Variants in CYP20A1 observed in about 807,000 individuals in gnomAD.
CYP20A1 encodes the protein cytochrome P450 20A1.
CYP20A1 carries 61 observed loss-of-function variants against 61.4 expected under a neutral mutation model. That is an observed-to-expected ratio of 0.99 (90% CI 0.81 to 1.23). CYP20A1 has a LOEUF of 1.23. Ranked by LOEUF, CYP20A1 falls within the 50% of genes most tolerant of loss-of-function variation. The pLI is 0.00. For missense variants in CYP20A1, 530 were observed against 542.4 expected (o/e 0.98, Z 0.23); for synonymous variants, 193 against 188.2 (o/e 1.03, Z -0.21).
At position 203,303,415 on chromosome 2, in the gene CYP20A1, T is replaced by G; in HGVS notation, c.*6507T>G. 6.6e-6 allele frequency among the ~76,000 whole-genome samples: 1 copy of G among 151,958 alleles called. No homozygotes were observed. Among genetic ancestry groups the G allele is most frequent in the Admixed American group, 6.6e-5 (1 of 15,228 alleles). ...GTTTAAATGGTGTGCTATTCATAAT[T>G]ATTGCAAAAATAGGCCGGGCCTGTA... On this transcript the variant is annotated 3_prime_UTR_variant, in exon 13 of 13. Transcript: ENST00000356079.
At chr2:203,279,948 T>C in intron 7 of CYP20A1, 111 bp from the exon 8 acceptor site, 1 of 642,014 alleles carries the variant, frequency 1.6e-6, no homozygotes, top group East Asian at 3.2e-5. Context: ...AATGAAATAA[T>C]ATACTTTTTT....
rs2068968357 is a variant in CYP20A1 at position 203,300,261 on chromosome 2, TAACA to T, written c.*3356_*3359del. 6.6e-6 allele frequency among the ~76,000 whole-genome samples: 1 copy of T among 152,226 alleles called. No individual in the cohort carries two copies. Among genetic ancestry groups the T allele is most frequent in the Non-Finnish European group, 1.5e-5 (1 of 68,026 alleles). On this transcript the variant is annotated 3_prime_UTR_variant, in exon 13 of 13. Transcript: ENST00000356079. ...TATGTTTTATCCATAGTTACATGAC[TAACA>T]AATGATTAAAAAGAAGTTATTCTCT...
chr2:203,287,308 G>A (rs186695619), intron 9 of CYP20A1, among the ~76,000 whole-genome samples: 1 of 150,530 alleles, frequency 6.6e-6, no homozygotes, highest in Non-Finnish European at 1.5e-5. Context: ...TACATTGACT[G>A]TAACTATTAT....
chr2:203,266,691 G>T lies in CYP20A1; in HGVS notation c.600+10G>T, dbSNP rs2067336413. On this transcript the variant is annotated intron_variant, in intron 5 of 12. Transcript: ENST00000356079. ...GAAGAATCATGGCACAGTAAGTCTG[G>T]GGCTAAATTTAAAATTACTCTTTCA... is the stretch of plus-strand genomic sequence containing the variant. 2 of 1,611,086 alleles carry T rather than the reference G, an allele frequency of 1.2e-6. No individual in the cohort carries two copies. Among genetic ancestry groups the T allele is most frequent in the Non-Finnish European group, 1.7e-6 (2 of 1,177,646 alleles).
At chr2:203,277,396 A>G (rs1355449935) in intron 6 of CYP20A1, among the ~76,000 whole-genome samples, 1 of 151,934 alleles carries the variant, frequency 6.6e-6, no homozygotes, top group Admixed American at 6.6e-5. Context: ...TACGTTATCA[A>G]CATCATCAGT....
Position 203,301,384 on chromosome 2 carries a change from G to C in CYP20A1, c.*4476G>C, listed in dbSNP as rs2069017875. 6.6e-6 allele frequency among the ~76,000 whole-genome samples: 1 copy of C among 151,610 alleles called. No individual in the cohort carries two copies. Among genetic ancestry groups the C allele is most frequent in the Non-Finnish European group, 1.5e-5 (1 of 67,920 alleles). ...CGATCTCACCTCAGCCTCTAGAATA[G>C]CTGGGACTACATATGCATGCCACCA... On this transcript the variant is annotated 3_prime_UTR_variant, in exon 13 of 13. Coordinates refer to ENST00000356079, the MANE Select transcript of CYP20A1 (RefSeq NM_177538.3).
At chr2:203,260,812 C>A (rs1407821288) in intron 4 of CYP20A1, among the ~76,000 whole-genome samples, 1 of 152,202 alleles carries the variant, frequency 6.6e-6, no homozygotes, top group African/African-American at 2.4e-5. Context: ...GCATGGGCTA[C>A]CAAGCCCAGC....
intron 4 of CYP20A1, among the ~76,000 whole-genome samples, chr2:203,263,181 A>G (rs1225239422): frequency 1.4e-4 from 19 of 138,794 alleles, no homozygotes; most frequent in East Asian, 2.2e-4. Context: ...TAGAGACGGG[A>G]TTTCACCACG....
rs1167546590 is a variant in CYP20A1, at chr2:203,294,941, A to ATTTTTTTTTTT, written c.1149-1514_1149-1504dup. ...GCCACTGTGCCCAGCCTTTAAAAAA[A>ATTTTTTTTTTT]TTTTTTTTTTTTTTTTTTTTTTTTT... On this transcript the variant is annotated intron_variant, in intron 11 of 12. Transcript: ENST00000356079. 2.2e-3 allele frequency among the ~76,000 whole-genome samples: 101 copies of ATTTTTTTTTTT among 45,460 alleles called. 16 individuals are homozygous for ATTTTTTTTTTT. The highest frequency in any genetic ancestry group is 0.01 in the East Asian group (15 of 1,472). 29.8% of individuals were successfully genotyped at this position (45,460 alleles called of 152,430 possible). A position where few individuals can be genotyped will look rare whatever the true frequency, so the allele number is the denominator to read the frequency against.
At position 203,300,730 on chromosome 2, in the gene CYP20A1, A is replaced by G. The variant is rs2068985525; in HGVS notation, c.*3822A>G. Among the ~76,000 whole-genome samples the G allele has an allele frequency of 1.3e-5, 2 of 151,384 alleles. No homozygotes were observed. Among genetic ancestry groups the G allele is most frequent in the Admixed American group, 1.3e-4 (2 of 15,142 alleles). On this transcript the variant is annotated 3_prime_UTR_variant, in exon 13 of 13. Transcript: ENST00000356079. ...CATGGAGAAACCCTGTCTCTACCAA[A>G]AATACAAAATTAGCCGGGCATGATG...
At position 203,302,178 on chromosome 2, in the gene CYP20A1, T is replaced by C. The variant is rs1159745847; in HGVS notation, c.*5270T>C. ...TCAACCTCAAGTAGTCTGCCCACCT[T>C]GACCTCCCAAAGTGCTGGGATTACA... On this transcript the variant is annotated 3_prime_UTR_variant, in exon 13 of 13. Coordinates refer to ENST00000356079, the MANE Select transcript of CYP20A1 (RefSeq NM_177538.3). 6.6e-6 allele frequency among the ~76,000 whole-genome samples: 1 copy of C among 152,124 alleles called. No homozygotes were observed. Among genetic ancestry groups the C allele is most frequent in the African/African-American group, 2.4e-5 (1 of 41,434 alleles).
intron 4 of CYP20A1, among the ~76,000 whole-genome samples, chr2:203,263,385 G>A (rs2067212247): frequency 6.6e-6 from 1 of 151,254 alleles, no homozygotes; most frequent in African/African-American, 2.4e-5. Flanking sequence ...CAACTCCGTG[G>A]TTCAAGTGAT....
chr2:203,266,446 C>A (rs1236946363), intron 4 of CYP20A1, 68 bp from the exon 5 acceptor site: 1 of 1,406,218 alleles, frequency 7.1e-7, no homozygotes, highest in Non-Finnish European at 1.0e-6. Flanking sequence ...AATGAATCTA[C>A]TTAGTAACAT....
At chr2:203,250,643 G>C (rs1478470609) in intron 3 of CYP20A1, among the ~76,000 whole-genome samples, 1 of 152,238 alleles carries the variant, frequency 6.6e-6, no homozygotes, top group East Asian at 1.9e-4. Context: ...GCTAATGTTG[G>C]AGAGTGAGGG....
intron 9 of CYP20A1, among the ~76,000 whole-genome samples, chr2:203,289,350 T>A (rs1411372688): frequency 1.3e-5 from 2 of 152,160 alleles, no homozygotes; most frequent in East Asian, 3.8e-4. Context: ...TTCCTAGTTA[T>A]CTTTAGAAAT....
At chr2:203,261,606 A>T (rs1278646188) in intron 4 of CYP20A1, among the ~76,000 whole-genome samples, 1 of 2,090 alleles carries the variant, frequency 4.8e-4, no homozygotes, top group African/African-American at 7.0e-4. Flanking sequence ...TTTGTCACCT[A>T]AAAAAAAAAA....
At chr2:203,247,984 A>G (rs1169825639) in intron 3 of CYP20A1, among the ~76,000 whole-genome samples, 1 of 152,114 alleles carries the variant, frequency 6.6e-6, no homozygotes, top group African/African-American at 2.4e-5. Flanking sequence ...CCAACATTTT[A>G]GGAGGCCAAG....
At position 203,278,657 on chromosome 2, in the gene CYP20A1, C is replaced by T. The variant is rs951329237; in HGVS notation, c.764C>T (p.Ser255Phe). ...TTCAGTCAACATATTTTCATTGACT[C>T]CTTAGTACAAGGGAACCTTAATGAC... ...RNFSQHIFID[S>F]LVQGNLNDQQ... is the part of the protein sequence containing the mutation. Residue 255 changes from serine to phenylalanine, a missense_variant, in exon 7 of 13, where the codon TCC becomes TTC. Coordinates refer to ENST00000356079, the MANE Select transcript of CYP20A1 (RefSeq NM_177538.3). 1.9e-6 allele frequency: 3 copies of T among 1,596,704 alleles called. No homozygotes were observed. Among genetic ancestry groups the T allele is most frequent in the Admixed American group, 3.4e-5 (2 of 58,304 alleles).
chr2:203,269,939 T>G (rs1424744290), intron 5 of CYP20A1, among the ~76,000 whole-genome samples: 1 of 152,202 alleles, frequency 6.6e-6, no homozygotes, highest in East Asian at 1.9e-4. Flanking sequence ...TGTGTAATTC[T>G]TTTATTACTT....
Sources: allele counts gnomAD v4.1 joint callset (sites outside exome capture counted in the v4.1 genomes callset), GRCh38; gene constraint gnomAD v4.1.1; transcripts MANE v1.5; gene names NCBI Gene and HGNC (gene_info 2026-07-23, HGNC 2026-07-21).